RNF144B: variants seen among roughly 807,000 people sequenced by gnomAD.
RNF144B encodes E3 ubiquitin-protein ligase RNF144B.
RNF144B carries 25 observed loss-of-function variants against 40.2 expected under a neutral mutation model. That is an observed-to-expected ratio of 0.62 (90% CI 0.45 to 0.87). The LOEUF (loss-of-function observed/expected upper bound fraction) is 0.87. Among genes scored for constraint, RNF144B ranks in the 40% least tolerant of loss-of-function variants. The pLI, the probability that RNF144B is intolerant of heterozygous loss-of-function variation, is 0.00. For synonymous variants in RNF144B, 145 were observed against 136.3 expected, an observed-to-expected ratio of 1.06 and a Z score of -0.44; for missense variants, 365 against 373.7, an observed-to-expected ratio of 0.98 and a Z score of 0.19.
chr6:18,403,993 A>G (rs1016351279), intron 2 of RNF144B, among the ~76,000 whole-genome samples: 1 of 152,232 alleles, frequency 6.6e-6, no homozygotes, highest in African/African-American at 2.4e-5. Context: ...CACTACCTAG[A>G]GAGTGGCACC....
At chr6:18,437,401 G>C (rs1758848374) in intron 3 of RNF144B, among the ~76,000 whole-genome samples, 1 of 152,048 alleles carries the variant, frequency 6.6e-6, no homozygotes, top group South Asian at 2.1e-4. Context: ...TTGTACCACT[G>C]CACTCCAGCC....
At chr6:18,431,242 T>TA (rs67599199) in intron 3 of RNF144B, among the ~76,000 whole-genome samples, 13 of 148,338 alleles carry the variant, frequency 8.8e-5, no homozygotes, top group East Asian at 5.9e-4. Context: ...AAATAAAAAA[T>TA]AAAAAAAAAA....
chr6:18,396,659 A>G (rs1329728376), intron 1 of RNF144B: 1 of 985,274 alleles, frequency 1.0e-6, no homozygotes, highest in Non-Finnish European at 1.2e-6. Context: ...CTTGAAAGAA[A>G]GATAATTCAG....
rs1758529821 is a variant in RNF144B at position 18,425,455 on chromosome 6, G to A, written c.166-2126G>A. On this transcript the variant is annotated intron_variant, in intron 2 of 7. Coordinates refer to ENST00000259939, the MANE Select transcript of RNF144B (RefSeq NM_182757.4). This position sits in a 1 kb window ranked among gnomAD's most constrained non-coding sequence, Gnocchi z 4.2. ...TGTCCCCTGGCAAAACACTCCTTTT[G>A]GTGAGCCGCCTTGACTGTTCCCCTG... Among the ~76,000 whole-genome samples, 1 of 152,056 alleles carries A rather than the reference G, an allele frequency of 6.6e-6. No individual in the cohort carries two copies. The highest frequency in any genetic ancestry group is 1.5e-5 in the Non-Finnish European group (1 of 68,006).
At chr6:18,429,977 G>C (rs1012241830) in intron 3 of RNF144B, among the ~76,000 whole-genome samples, 1 of 152,126 alleles carries the variant, frequency 6.6e-6, no homozygotes, top group Non-Finnish European at 1.5e-5. Context: ...GCAAGAAGTG[G>C]GGCAGGCAAC....
rs474465 is a variant in RNF144B, at chr6:18,458,406, C to T, written c.536+1047C>T. 0.22 allele frequency among the ~76,000 whole-genome samples: 32,840 copies of T among 151,988 alleles called. 3,556 individuals are homozygous for T. The highest frequency in any genetic ancestry group is 0.26 in the East Asian group (1,324 of 5,154). On this transcript the variant is annotated intron_variant, in intron 5 of 7. Coordinates refer to ENST00000259939, the MANE Select transcript of RNF144B (RefSeq NM_182757.4). The surrounding 1 kb of genome is among the most constrained non-coding windows in gnomAD (Gnocchi z 4.8). ...TGCACCCAGAATGTGTAGAACCAGGCTTCATGAATAGTAATGCTACTTGGC... is the reference window on the plus strand; with the variant it reads ...TGCACCCAGAATGTGTAGAACCAGGTTTCATGAATAGTAATGCTACTTGGC...
At chr6:18,415,501 A>T (rs1015470527) in intron 2 of RNF144B, among the ~76,000 whole-genome samples, 9 of 152,284 alleles carry the variant, frequency 5.9e-5, no homozygotes, top group Non-Finnish European at 1.2e-4. Flanking sequence ...GAGCCCTTTC[A>T]TAAGGGTGCC....
Position 18,387,583 on chromosome 6 carries a change from G to T in RNF144B, c.-84G>T. On this transcript the variant is annotated 5_prime_UTR_variant, in exon 1 of 8. Coordinates refer to ENST00000259939, the MANE Select transcript of RNF144B (RefSeq NM_182757.4). ...GCCCGGACTGGCGGTGAGCGCGAGG[G>T]AGGCTACTGAGAAGCCCGGCGACGG... The T allele has an allele frequency of 7.5e-7, 1 of 1,324,596 alleles. No individual in the cohort carries two copies. 82.1% of individuals were successfully genotyped at this position (1,324,596 alleles called of 1,614,324 possible).
chr6:18,424,343 A>C (rs1758501732), intron 2 of RNF144B, among the ~76,000 whole-genome samples: 1 of 152,224 alleles, frequency 6.6e-6, no homozygotes, highest in Non-Finnish European at 1.5e-5. Context: ...TTGCCTTTGA[A>C]TAGAAATGCA....
In RNF144B at chr6:18,447,109, C is replaced by G. The variant is rs573876793; in HGVS notation, c.331+7365C>G. On this transcript the variant is annotated intron_variant, in intron 4 of 7. Transcript: ENST00000259939. This position sits in a 1 kb window ranked among gnomAD's most constrained non-coding sequence, Gnocchi z 5.6. ...ATAATATTAGATGGTGGGGGTATAT[C>G]CTTTTATATAAATAAGGGTAAGGGG... is the stretch of plus-strand genomic sequence containing the variant. Among the ~76,000 whole-genome samples the G allele has an allele frequency of 6.6e-6, 1 of 151,784 alleles. No homozygotes were observed. The highest frequency in any genetic ancestry group is 2.1e-4 in the South Asian group (1 of 4,782).
chr6:18,452,932 G>C lies in RNF144B; in HGVS notation c.332-4223G>C, dbSNP rs1467161364. On this transcript the variant is annotated intron_variant, in intron 4 of 7. Coordinates refer to ENST00000259939, the MANE Select transcript of RNF144B (RefSeq NM_182757.4). ...CTCAAGTAGCTGGGACTATAAGTGT[G>C]CACCACCATGGCTGGCTACTTTTTT... Among the ~76,000 whole-genome samples, 4 of 151,800 alleles carry C rather than the reference G, an allele frequency of 2.6e-5. No individual in the cohort carries two copies. In the East Asian group the frequency reaches 7.7e-4, roughly 29 times the overall value.
intron 3 of RNF144B, among the ~76,000 whole-genome samples, chr6:18,436,761 G>T (rs759127182): frequency 6.6e-6 from 1 of 152,086 alleles, no homozygotes; most frequent in Non-Finnish European, 1.5e-5. Flanking sequence ...CCTGCAGCCT[G>T]ATTTAGTCTT....
chr6:18,427,544 T>C (rs1304228390), intron 2 of RNF144B, 37 bp from the exon 3 acceptor site: 1 of 1,432,964 alleles, frequency 7.0e-7, no homozygotes, highest in South Asian at 1.2e-5. Flanking sequence ...GCTACTGTAA[T>C]GGAATGGGCA....
intron 1 of RNF144B, among the ~76,000 whole-genome samples, chr6:18,389,371 A>G (rs1794536951): frequency 6.6e-6 from 1 of 152,074 alleles, no homozygotes; most frequent in Admixed American, 6.5e-5. Context: ...GAAAAAGCTT[A>G]TTTTATCTAC....
intron 6 of RNF144B, among the ~76,000 whole-genome samples, chr6:18,461,398 A>T (rs1759451717): frequency 6.6e-6 from 1 of 152,236 alleles, no homozygotes; most frequent in African/African-American, 2.4e-5. Flanking sequence ...ATTACAAATG[A>T]AAAACAATTT....
chr6:18,392,528 T>A (rs1794605326), intron 1 of RNF144B, among the ~76,000 whole-genome samples: 1 of 152,146 alleles, frequency 6.6e-6, no homozygotes, highest in Admixed American at 6.5e-5. Context: ...TTTTAGAAGG[T>A]TAATAGTCTC....
At position 18,441,147 on chromosome 6, in the gene RNF144B, A is replaced by G. The variant is rs1758955536; in HGVS notation, c.331+1403A>G. Among the ~76,000 whole-genome samples, 1 of 152,154 alleles carries G rather than the reference A, an allele frequency of 6.6e-6. No homozygotes were observed. The highest frequency in any genetic ancestry group is 1.5e-5 in the Non-Finnish European group (1 of 68,034). On this transcript the variant is annotated intron_variant, in intron 4 of 7. Coordinates refer to ENST00000259939, the MANE Select transcript of RNF144B (RefSeq NM_182757.4). This position sits in a 1 kb window ranked among gnomAD's most constrained non-coding sequence, Gnocchi z 4.9. ...GGCCGATTAGATTGAGCATTATAACACCAGATATGATAGCTAAAGATAAGA... is the reference window on the plus strand; with the variant it reads ...GGCCGATTAGATTGAGCATTATAACGCCAGATATGATAGCTAAAGATAAGA...
At chr6:18,428,916 G>A (rs1180175722) in intron 3 of RNF144B, among the ~76,000 whole-genome samples, 2 of 152,166 alleles carry the variant, frequency 1.3e-5, no homozygotes, top group African/African-American at 4.8e-5. Flanking sequence ...GGTTGGCCAG[G>A]TGCTGTGGCT....
At chr6:18,426,106 A>G (rs1482537883) in intron 2 of RNF144B, among the ~76,000 whole-genome samples, 2 of 152,228 alleles carry the variant, frequency 1.3e-5, no homozygotes, top group Non-Finnish European at 2.9e-5. Context: ...AGATTTCACA[A>G]TTACATCATC....
Sources: allele counts gnomAD v4.1 joint callset (sites outside exome capture counted in the v4.1 genomes callset), GRCh38; gene constraint gnomAD v4.1.1; non-coding constraint Gnocchi (gnomAD v3.1); transcripts MANE v1.5; gene names NCBI Gene and HGNC (gene_info 2026-07-23, HGNC 2026-07-21).